TMEM217B: variants seen among roughly 807,000 people sequenced by gnomAD.
TMEM217B encodes the protein transmembrane protein 217B, also known as putative transmembrane protein 217B.
chr6:37,256,804 C>G, the TMEM217B span, among the ~76,000 whole-genome samples: 5 of 152,100 alleles, frequency 3.3e-5, no homozygotes, highest in African/African-American at 1.2e-4. Flanking sequence ...GGACAAAAAC[C>G]ACTCTGGACT....
the TMEM217B span, among the ~76,000 whole-genome samples, chr6:37,256,974 G>T: frequency 6.6e-6 from 1 of 152,198 alleles, no homozygotes; most frequent in African/African-American, 2.4e-5. Context: ...AAGGGTGCAA[G>T]ATTTATAATA....
the TMEM217B span, among the ~76,000 whole-genome samples, chr6:37,227,237 G>C: frequency 2.0e-5 from 3 of 152,176 alleles, no homozygotes; most frequent in Non-Finnish European, 4.4e-5. Flanking sequence ...CTTGATTAGA[G>C]TAGGCCTTTG....
the TMEM217B span, among the ~76,000 whole-genome samples, chr6:37,249,509 C>G: frequency 6.6e-6 from 1 of 152,022 alleles, no homozygotes; most frequent in Non-Finnish European, 1.5e-5. Flanking sequence ...TTAGTGGAGA[C>G]GGGGTTTCAC....
chr6:37,240,204 T>C, the TMEM217B span, among the ~76,000 whole-genome samples: 21 of 152,232 alleles, frequency 1.4e-4, no homozygotes, highest in Non-Finnish European at 1.8e-4. Context: ...ATTTATTATC[T>C]CATAATTTCC....
chr6:37,248,339 C>A, the TMEM217B span, among the ~76,000 whole-genome samples: 1 of 152,156 alleles, frequency 6.6e-6, no homozygotes, highest in South Asian at 2.1e-4. Context: ...GAATTAATTT[C>A]TATCTACAGT....
the TMEM217B span, among the ~76,000 whole-genome samples, chr6:37,220,649 G>A: frequency 1.3e-5 from 2 of 151,840 alleles, no homozygotes; most frequent in African/African-American, 4.8e-5. Context: ...GTGTGTCTAA[G>A]TGTCTGGCAG....
At chr6:37,247,518 G>A in the TMEM217B span, among the ~76,000 whole-genome samples, 1 of 151,896 alleles carries the variant, frequency 6.6e-6, no homozygotes, top group East Asian at 1.9e-4. Flanking sequence ...CTCCCAAGTA[G>A]CTGGGACTAC....
At chr6:37,214,915 G>A in the TMEM217B span, among the ~76,000 whole-genome samples, 11 of 152,246 alleles carry the variant, frequency 7.2e-5, no homozygotes, top group South Asian at 2.3e-3. Flanking sequence ...ACCTCTGCTC[G>A]GTTCACAGCG....
the TMEM217B span, chr6:37,212,968 A>G: frequency 2.5e-4 from 385 of 1,547,496 alleles, 1 homozygote; most frequent in Non-Finnish European, 3.1e-4. Context: ...CCTGACATTC[A>G]TTTTATACTT....
the TMEM217B span, among the ~76,000 whole-genome samples, chr6:37,219,663 T>C: frequency 1.3e-5 from 2 of 151,926 alleles, no homozygotes; most frequent in Non-Finnish European, 2.9e-5. Flanking sequence ...GCCCAGGAAG[T>C]CAAGGCTGCA....
the TMEM217B span, among the ~76,000 whole-genome samples, chr6:37,249,022 G>A: frequency 6.6e-6 from 1 of 152,152 alleles, no homozygotes; most frequent in Admixed American, 6.5e-5. Context: ...TGGTCACACT[G>A]CCTCCTTCTC....
the TMEM217B span, among the ~76,000 whole-genome samples, chr6:37,228,907 G>A: frequency 6.6e-6 from 1 of 151,676 alleles, no homozygotes; most frequent in Admixed American, 6.6e-5. Flanking sequence ...CGAGGCAGGA[G>A]AATGGCGTGA....
At chr6:37,240,261 A>G in the TMEM217B span, among the ~76,000 whole-genome samples, 9 of 152,298 alleles carry the variant, frequency 5.9e-5, no homozygotes, top group African/African-American at 2.2e-4. Flanking sequence ...TTCTGGTTCA[A>G]GGTTTCTCAC....
chr6:37,224,046 C>G, the TMEM217B span, among the ~76,000 whole-genome samples: 2 of 151,664 alleles, frequency 1.3e-5, no homozygotes, highest in African/African-American at 4.8e-5. Flanking sequence ...AAGCGATTCT[C>G]CTGCCTCAGC....
chr6:37,215,570 C>CAAAAAAAAAAAAAAAAAAAAAAA, the TMEM217B span, among the ~76,000 whole-genome samples: 3 of 72,376 alleles, frequency 4.1e-5, no homozygotes, highest in African/African-American at 1.8e-4. Context: ...GACTCTGTCT[C>CAAAAAAAAAAAAAAAAAAAAAAA]AAAAAAAAAA....
At chr6:37,258,135 A>G in the TMEM217B span, 1 of 785,484 alleles carries the variant, frequency 1.3e-6, no homozygotes, top group South Asian at 2.0e-5. Context: ...AGCGAAGCGA[A>G]CAGCGAGCTT....
the TMEM217B span, among the ~76,000 whole-genome samples, chr6:37,255,837 C>T: frequency 6.6e-6 from 1 of 152,196 alleles, no homozygotes; most frequent in South Asian, 2.1e-4. Context: ...AAAAAGGTTC[C>T]AACAATCTCA....
chr6:37,244,348 A>G, the TMEM217B span, among the ~76,000 whole-genome samples: 1 of 152,376 alleles, frequency 6.6e-6, no homozygotes, highest in African/African-American at 2.4e-5. Flanking sequence ...TGAAACCCCT[A>G]TGGGAGAAAA....
the TMEM217B span, among the ~76,000 whole-genome samples, chr6:37,237,970 C>G: frequency 6.6e-6 from 1 of 152,258 alleles, no homozygotes; most frequent in South Asian, 2.1e-4. Flanking sequence ...GGGTACCATA[C>G]AGCCAGATGC....
Sources: gnomAD v4.1 joint callset for allele counts (sites outside exome capture counted in the v4.1 genomes callset) on GRCh38, gnomAD v4.1.1 for gene constraint, MANE v1.5 for transcripts, NCBI Gene and HGNC (gene_info 2026-07-23, HGNC 2026-07-21) for gene names.